Variants in DCP1A observed in about 807,000 individuals in gnomAD.
The protein encoded by DCP1A is mRNA-decapping enzyme 1A.
A neutral mutation model predicts 58.0 loss-of-function variants in DCP1A; 20 were observed. The observed-to-expected ratio is 0.34, with a 90% CI of 0.24 to 0.50. DCP1A has a LOEUF of 0.50. Among genes scored for constraint, DCP1A ranks in the 20% least tolerant of loss-of-function variants. The pLI is 0.98. For missense variants in DCP1A, 613 were observed against 712.2 expected (o/e 0.86, Z 1.59); for synonymous variants, 285 against 275.1 (o/e 1.04, Z -0.36).
intron 3 of DCP1A, among the ~76,000 whole-genome samples, chr3:53,335,890 T>C (rs2089106144): frequency 6.6e-6 from 1 of 152,150 alleles, no homozygotes; most frequent in Admixed American, 6.6e-5. Context: ...AGTGGCGTGA[T>C]CATGGCTCAC....
rs192271901 is a variant in DCP1A at position 53,335,185 on chromosome 3, G to A, written c.304+6959C>T. On this transcript the variant is annotated intron_variant, in intron 3 of 9. Coordinates refer to ENST00000610213, the MANE Select transcript of DCP1A (RefSeq NM_018403.7). Reference sequence around the variant, plus strand: ...AGACAGAGTCTCACTCTGTCACCTAGGCTGGAGTGCAGTGGCATCATCCCG... The same window carrying A: ...AGACAGAGTCTCACTCTGTCACCTAAGCTGGAGTGCAGTGGCATCATCCCG... Among the ~76,000 whole-genome samples, 7 of 151,356 alleles carry A rather than the reference G, an allele frequency of 4.6e-5. No homozygotes were observed. In the South Asian group the frequency reaches 1.3e-3, roughly 27 times the overall value.
rs782537072 is a variant in DCP1A at position 53,312,385 on chromosome 3, G to GGA, written c.372-8_372-7dup. 67 of 1,575,670 alleles carry GGA rather than the reference G, an allele frequency of 4.3e-5. No individual in the cohort carries two copies. In the Middle Eastern group the frequency reaches 5.1e-4, roughly 12 times the overall value. The stretch of plus-strand genomic sequence containing the variant: ...GTGTCTCCTCTTCTACCACACTAGA[G>GGA]GAGAAGAACAAGGTTTTAGAAAGGC... On this transcript the variant is annotated splice_region_variant and splice_polypyrimidine_tract_variant and intron_variant, in intron 4 of 9. Coordinates refer to ENST00000610213, the MANE Select transcript of DCP1A (RefSeq NM_018403.7).
At position 53,332,304 on chromosome 3, in the gene DCP1A, T is replaced by A. The variant is rs189999924; in HGVS notation, c.304+9840A>T. Among the ~76,000 whole-genome samples, 191 of 152,348 alleles carry A rather than the reference T, an allele frequency of 1.3e-3. 3 individuals are homozygous for A. The highest frequency in any genetic ancestry group is 4.0e-3 in the African/African-American group (166 of 41,572). On this transcript the variant is annotated intron_variant, in intron 3 of 9. Coordinates refer to ENST00000610213, the MANE Select transcript of DCP1A (RefSeq NM_018403.7). ...TTAGTCTATTGGCCCAATTATTTTA[T>A]TTATGAGTCCATTCAAATCTATTTA...
In DCP1A at chr3:53,304,760, T is replaced by A. The variant is rs574965318; in HGVS notation, c.511-470A>T. Among the ~76,000 whole-genome samples, 84 of 151,824 alleles carry A rather than the reference T, an allele frequency of 5.5e-4. 1 individual carries two copies. The highest frequency in any genetic ancestry group is 2.0e-3 in the African/African-American group (84 of 41,436). ...GCTGGTTTTTCTTTTTTTTTTTGTA[T>A]TTTTAGTAGAGACAGGGTTTCAGCA... On this transcript the variant is annotated intron_variant, in intron 5 of 9. Transcript: ENST00000610213.
intron 4 of DCP1A, among the ~76,000 whole-genome samples, chr3:53,313,521 C>A (rs1428655548): frequency 1.4e-5 from 2 of 147,958 alleles, no homozygotes; most frequent in African/African-American, 4.9e-5. Flanking sequence ...ATATTAGGAA[C>A]TGAAAGCTGG....
At position 53,312,252 on chromosome 3, in the gene DCP1A, C is replaced by T. The variant is rs1707666983; in HGVS notation, c.499G>A (p.Glu167Lys). Reference protein sequence around the residue: ...ILEMLSRAKDEYERNQMGDSN... With the variant: ...ILEMLSRAKDKYERNQMGDSN... ...CCAGAGAGCCTCACCCTCTCATACTCATCCTTGGCTCTGCTCAGCATCTCC... is the reference window on the plus strand; with the variant it reads ...CCAGAGAGCCTCACCCTCTCATACTTATCCTTGGCTCTGCTCAGCATCTCC... Residue 167 changes from glutamate (E) to lysine (K), a missense_variant, in exon 5 of 10, where the codon GAG becomes AAG. Coordinates refer to ENST00000610213, the MANE Select transcript of DCP1A (RefSeq NM_018403.7). 5 of 1,606,016 alleles carry T rather than the reference C, an allele frequency of 3.1e-6. No individual in the cohort carries two copies. The highest frequency in any genetic ancestry group is 4.2e-6 in the Non-Finnish European group (5 of 1,176,540).
chr3:53,341,011 AG>A (rs1195748837), intron 3 of DCP1A, among the ~76,000 whole-genome samples: 1 of 152,202 alleles, frequency 6.6e-6, no homozygotes, highest in Non-Finnish European at 1.5e-5. Flanking sequence ...AAAGCACCAC[AG>A]CTCTTGGCTC....
At chr3:53,329,356 C>T (rs781857960) in intron 3 of DCP1A, 106 of 398,518 alleles carry the variant, frequency 2.7e-4, no homozygotes, top group Non-Finnish European at 4.1e-4. Context: ...TCATTAAAAG[C>T]ACTATGTATC....
chr3:53,309,817 G>A (rs566155831), intron 5 of DCP1A, among the ~76,000 whole-genome samples: 38 of 152,312 alleles, frequency 2.5e-4, no homozygotes, highest in South Asian at 8.3e-4. Context: ...CTGAAATTTC[G>A]TTCATTATAT....
chr3:53,301,274 C>T (rs1165612073), intron 6 of DCP1A, among the ~76,000 whole-genome samples: 1 of 150,806 alleles, frequency 6.6e-6, no homozygotes, highest in Non-Finnish European at 1.5e-5. Flanking sequence ...TTGGTGGTTT[C>T]TTTCTTTTTT....
chr3:53,347,407 G>A lies in DCP1A; in HGVS notation c.111C>T (p.Thr37=). The A allele has an allele frequency of 6.2e-7, 1 of 1,611,440 alleles. No individual in the cohort carries two copies. The highest frequency in any genetic ancestry group is 8.5e-7 in the Non-Finnish European group (1 of 1,178,680). Reference sequence around the variant, plus strand: ...CCCACTGGTTGGCCTTGGGGCAGAAGGTGTACAGAGCGACCTGGCCCGTGA... The same window carrying A: ...CCCACTGGTTGGCCTTGGGGCAGAAAGTGTACAGAGCGACCTGGCCCGTGA... ...ADLTGQVALY[T]FCPKANQWEK... Residue 37 remains threonine (T), a synonymous_variant, in exon 1 of 10, where the codon ACC becomes ACT. Coordinates refer to ENST00000610213, the MANE Select transcript of DCP1A (RefSeq NM_018403.7).
chr3:53,324,931 C>T (rs543746424), intron 3 of DCP1A, among the ~76,000 whole-genome samples: 2 of 151,230 alleles, frequency 1.3e-5, no homozygotes, highest in South Asian at 4.2e-4. Flanking sequence ...TTGCCTTCCA[C>T]AAAAAATATC....
At chr3:53,322,041 T>C (rs1354686741) in intron 3 of DCP1A, among the ~76,000 whole-genome samples, 1 of 152,234 alleles carries the variant, frequency 6.6e-6, no homozygotes, top group Non-Finnish European at 1.5e-5. Context: ...TAATTATCAA[T>C]ATATACCAAT....
intron 5 of DCP1A, among the ~76,000 whole-genome samples, chr3:53,307,950 C>T (rs1007570440): frequency 4.6e-5 from 7 of 151,974 alleles, no homozygotes; most frequent in Admixed American, 2.6e-4. Flanking sequence ...CTTCATTCTA[C>T]CAAAGGAAAT....
rs61290855 is a variant in DCP1A at position 53,290,749 on chromosome 3, T to TAAAAAAAAA, written c.1449+33_1449+41dup. ...TCTCACTATGGCACCCGACTAGTCT[T>TAAAAAAAAA]AAAAAAAAAAAAAAAAAAAAAAAAA... On this transcript the variant is annotated intron_variant, in intron 8 of 9. Transcript: ENST00000610213. 57 of 682,862 alleles carry TAAAAAAAAA rather than the reference T, an allele frequency of 8.3e-5. 6 individuals carry two copies. In the African/African-American group the frequency reaches 1.8e-3, roughly 21 times the overall value. 42.3% of individuals were successfully genotyped at this position (682,862 alleles called of 1,614,324 possible).
chr3:53,290,914 T>A (rs1706843478), intron 7 of DCP1A, 58 bp from the exon 8 acceptor site: 1 of 1,412,984 alleles, frequency 7.1e-7, no homozygotes, highest in Admixed American at 2.1e-5. Context: ...TAAGAAGACT[T>A]CCTAGTCTTA....
intron 6 of DCP1A, among the ~76,000 whole-genome samples, chr3:53,303,821 G>C (rs1308469537): frequency 6.6e-6 from 1 of 152,214 alleles, no homozygotes; most frequent in African/African-American, 2.4e-5. Context: ...ATAAGGTAGG[G>C]CCTCGTGGGC....
chr3:53,331,782 T>C (rs1301427014), intron 3 of DCP1A, among the ~76,000 whole-genome samples: 39 of 152,176 alleles, frequency 2.6e-4, no homozygotes, highest in Non-Finnish European at 1.9e-4. Context: ...AGCACATAGA[T>C]ATTAAAAAAA....
intron 8 of DCP1A, chr3:53,288,499 G>C (rs1255540668): frequency 1.6e-5 from 9 of 566,194 alleles, no homozygotes; most frequent in Middle Eastern, 4.7e-4. Flanking sequence ...ATTTATGTAA[G>C]AATGTCCTAG....
Sources: allele counts gnomAD v4.1 joint callset (sites outside exome capture counted in the v4.1 genomes callset), GRCh38; gene constraint gnomAD v4.1.1; transcripts MANE v1.5; gene names NCBI Gene and HGNC (gene_info 2026-07-23, HGNC 2026-07-21).